The following TCIRG1 variants were observed in gnomAD, a reference collection of about 807,000 sequenced individuals.
The protein encoded by TCIRG1 is T cell immune regulator 1, ATPase H+ transporting V0 subunit a3.
TCIRG1 carries 86 observed loss-of-function variants against 95.5 expected under a neutral mutation model. That is an observed-to-expected ratio of 0.90 (90% CI 0.76 to 1.08). The LOEUF (loss-of-function observed/expected upper bound fraction) is 1.08. Ranked by LOEUF, TCIRG1 falls within the 50% of genes least tolerant of loss-of-function variation. TCIRG1 has a pLI of 0.00. For synonymous variants in TCIRG1, 499 were observed against 501.3 expected, an observed-to-expected ratio of 1.00 and a Z score of 0.06; for missense variants, 1,069 against 1,140.2, an observed-to-expected ratio of 0.94 and a Z score of 0.90.
intron 13 of TCIRG1, 144 bp downstream of exon 13, chr11:68,048,116 GCCT>G: frequency 2.5e-6 from 2 of 785,302 alleles, no homozygotes; most frequent in Admixed American, 2.0e-5. Flanking sequence ...AGGCAGACAA[GCCT>G]CCTGCCCTGC....
intron 10 of TCIRG1, 52 bp downstream of exon 10, chr11:68,045,154 T>C (rs947360465): frequency 2.5e-6 from 4 of 1,596,194 alleles, no homozygotes; most frequent in Non-Finnish European, 3.4e-6. Flanking sequence ...GCTGCCCCAC[T>C]GGGTGGGTGT....
intron 10 of TCIRG1, among the ~76,000 whole-genome samples, chr11:68,046,175 C>T (rs76362771): frequency 0.013 from 1,916 of 152,256 alleles, 43 homozygotes; most frequent in African/African-American, 0.043. Context: ...GGGGCAGACA[C>T]GGTCCCACAG....
intron 9 of TCIRG1, 145 bp downstream of exon 9, chr11:68,044,489 G>A (rs528205027): frequency 8.7e-4 from 617 of 709,280 alleles, no homozygotes; most frequent in Admixed American, 1.3e-3. Flanking sequence ...ATGGCCCACC[G>A]CTTCCAGGGA....
intron 9 of TCIRG1, chr11:68,044,644 C>T (rs1313745977): frequency 6.8e-6 from 4 of 588,846 alleles, no homozygotes; most frequent in African/African-American, 3.7e-5. Context: ...TCTGTGGAAC[C>T]GGTGTGATGC....
At chr11:68,041,465 C>A in intron 2 of TCIRG1, 77 bp downstream of exon 2, 1 of 1,087,726 alleles carries the variant, frequency 9.2e-7, no homozygotes, top group Middle Eastern at 2.9e-4. Context: ...TGGGGACTGC[C>A]CCCCCTCCGC....
chr11:68,043,146 C>G (rs1855262658), intron 5 of TCIRG1, 115 bp downstream of exon 5: 1 of 1,530,744 alleles, frequency 6.5e-7, no homozygotes, highest in East Asian at 2.5e-5. Flanking sequence ...CAGGCTGGCC[C>G]CGCCTCCTCC....
chr11:68,041,429 A>T, intron 2 of TCIRG1, 41 bp downstream of exon 2: 2 of 1,443,818 alleles, frequency 1.4e-6, no homozygotes, highest in Non-Finnish European at 1.9e-6. Flanking sequence ...GCTACTGCCA[A>T]GGTTAGCCCG....
At chr11:68,045,267 G>C (rs1565158037) in intron 10 of TCIRG1, among the ~76,000 whole-genome samples, 165 bp downstream of exon 10, 1 of 152,274 alleles carries the variant, frequency 6.6e-6, no homozygotes, top group African/African-American at 2.4e-5. Flanking sequence ...TCTGCAGCCA[G>C]TGTGAGGCTT....
At position 68,047,758 on chromosome 11, in the gene TCIRG1, C is replaced by A; in HGVS notation, c.1417C>A (p.Pro473Thr). ...CTTCAGTCGCGCCACCAGCATCTTC[C>A]CCTCGGGCTGGAGTGTGGCCGCCAT... ...ECFSRATSIF[P>T]SGWSVAAMAN... The change falls in exon 12 of 20, where the codon CCC becomes ACC. Residue 473 changes from proline (P) to threonine (T), a missense_variant. Physicochemically the swap from Pro to Thr is conservative, Grantham distance 38 (BLOSUM62 -1). Coordinates refer to ENST00000265686, the MANE Select transcript of TCIRG1 (RefSeq NM_006019.4). The A allele has an allele frequency of 1.2e-6, 2 of 1,613,282 alleles. No homozygotes were observed. Among genetic ancestry groups the A allele is most frequent in the Non-Finnish European group, 1.7e-6 (2 of 1,179,980 alleles).
At chr11:68,048,804 G>A (rs756947101) in intron 13 of TCIRG1, 75 bp from the exon 14 acceptor site, 24 of 1,078,852 alleles carry the variant, frequency 2.2e-5, no homozygotes, top group Non-Finnish European at 2.4e-5. Context: ...GTGAGAGAGT[G>A]ACTCGGGCCG....
intron 5 of TCIRG1, 131 bp downstream of exon 5, chr11:68,043,162 G>T: frequency 6.6e-7 from 1 of 1,522,474 alleles, no homozygotes; most frequent in Non-Finnish European, 8.8e-7. Context: ...CCTCCTTCAG[G>T]CCCGGAACTT....
chr11:68,039,392 A>G (rs1034546924), intron 1 of TCIRG1, among the ~76,000 whole-genome samples: 5 of 152,172 alleles, frequency 3.3e-5, no homozygotes, highest in African/African-American at 1.2e-4. Flanking sequence ...GGAGGGACCC[A>G]TTCTACAGAT....
chr11:68,044,145 C>T lies in TCIRG1; in HGVS notation c.821C>T (p.Thr274Ile), dbSNP rs1855341237. The change falls in exon 9 of 20, where the codon ACA (threonine) becomes ATA (isoleucine). Residue 274 changes from threonine (T) to isoleucine (I), a missense_variant. Thr to Ile is a moderately conservative substitution (Grantham distance 89). Transcript: ENST00000265686. ...SQELQEVLGE[T>I]ERFLSQVLGR... is the part of the protein sequence containing the mutation. ...ACTCTGGCGCAGGTCCTCGGGGAGA[C>T]AGAGCGGTTCCTGAGCCAGGTGCTA... is the stretch of plus-strand genomic sequence containing the variant. 2 of 1,549,724 alleles carry T rather than the reference C, an allele frequency of 1.3e-6. No individual in the cohort carries two copies. The highest frequency in any genetic ancestry group is 1.7e-6 in the Non-Finnish European group (2 of 1,147,288).
chr11:68,049,766 G>A lies in TCIRG1; in HGVS notation c.1991G>A (p.Arg664Gln), dbSNP rs745846239. Residue 664 changes from arginine (R) to glutamine (Q), a missense_variant, in exon 16 of 20, where the codon CGG becomes CAG. By Grantham distance (43) the Arg-to-Gln change is conservative (BLOSUM62 1). Transcript: ENST00000265686. ...CTGCACCGCCACCGCCGCCGCCTGC[G>A]GAGGAGGCCCGCTGACCGACAGGTG... ...HLLHRHRRRL[R>Q]RRPADRQEEN... 16 of 1,575,184 alleles carry A rather than the reference G, an allele frequency of 1.0e-5. No individual in the cohort carries two copies. The highest frequency in any genetic ancestry group is 6.8e-5 in the East Asian group (3 of 43,864).
At chr11:68,048,143 C>T (rs1855604896) in intron 13 of TCIRG1, 171 bp downstream of exon 13, 2 of 707,450 alleles carry the variant, frequency 2.8e-6, no homozygotes, top group Non-Finnish European at 5.1e-6. Context: ...GCCTGCATCA[C>T]AGTCCCCTGA....
At position 68,049,662 on chromosome 11, in the gene TCIRG1, G is replaced by GGA. The variant is rs1554999516; in HGVS notation, c.1889_1890dup (p.Val631ArgfsTer57). On this transcript the variant is annotated frameshift_variant and splice_region_variant. Transcript: ENST00000265686. LOFTEE classifies it high-confidence loss of function. Reference sequence around the variant, plus strand: ...CCTGACTCTCGCCCTCTCCCTGGCAGGAGGTGGTCCAGGCCACGCTGGTGG... The same window carrying GGA: ...CCTGACTCTCGCCCTCTCCCTGGCAGGAGAGGTGGTCCAGGCCACGCTGGTGG... 1 of 1,600,478 alleles carries GGA rather than the reference G, an allele frequency of 6.2e-7. No homozygotes were observed. The highest frequency in any genetic ancestry group is 1.7e-5 in the Admixed American group (1 of 59,820).
At chr11:68,041,011 C>A (rs1200050650) in intron 1 of TCIRG1, among the ~76,000 whole-genome samples, 1 of 152,132 alleles carries the variant, frequency 6.6e-6, no homozygotes, top group Non-Finnish European at 1.5e-5. Context: ...GGGCGGGGGT[C>A]CCCATGGGCA....
intron 13 of TCIRG1, 179 bp downstream of exon 13, chr11:68,048,151 T>C (rs1590814251): frequency 1.5e-6 from 1 of 689,346 alleles, no homozygotes; most frequent in East Asian, 2.7e-5. Flanking sequence ...CACAGTCCCC[T>C]GAGTGTGCGG....
chr11:68,047,006 C>CTTTTTTTT (rs5792432), intron 10 of TCIRG1: 4 of 329,590 alleles, frequency 1.2e-5, no homozygotes, highest in Non-Finnish European at 2.2e-5. Flanking sequence ...GTGGTGGGTT[C>CTTTTTTTT]TTTTTTTTTT....
Sources: gnomAD v4.1 joint callset for allele counts (sites outside exome capture counted in the v4.1 genomes callset) on GRCh38, gnomAD v4.1.1 for gene constraint, MANE v1.5 for transcripts, NCBI Gene and HGNC (gene_info 2026-07-23, HGNC 2026-07-21) for gene names.